The following BABAM2 variants were observed in gnomAD, a reference collection of about 807,000 sequenced individuals.
The protein encoded by BABAM2 is BRISC and BRCA1-A complex member 2.
In BABAM2, 31 loss-of-function variants were observed where a neutral mutation model predicts 54.7. The ratio of observed to expected loss-of-function variants is 0.57; its 90% CI spans 0.43 to 0.77. The LOEUF (loss-of-function observed/expected upper bound fraction) is 0.77, where lower values mean the gene tolerates loss of function less well. BABAM2 is among the 30% of genes least tolerant of loss of function. The pLI is 0.00. For missense variants in BABAM2, 364 were observed against 455.8 expected, an observed-to-expected ratio of 0.80 and a Z score of 1.83; for synonymous variants, 167 against 162.9, an observed-to-expected ratio of 1.03 and a Z score of -0.19.
chr2:27,972,809 C>T (rs1478061504), intron 3 of BABAM2, among the ~76,000 whole-genome samples: 3 of 149,144 alleles, frequency 2.0e-5, no homozygotes, highest in Non-Finnish European at 4.4e-5. Flanking sequence ...GTGCTGTCGC[C>T]AGGCTGGAGT....
At chr2:28,160,978 A>G (rs916738965) in intron 7 of BABAM2, among the ~76,000 whole-genome samples, 1 of 152,202 alleles carries the variant, frequency 6.6e-6, no homozygotes, top group Non-Finnish European at 1.5e-5. Context: ...ACTACCGCAG[A>G]GTTAAACCAT....
In BABAM2 at chr2:27,962,263, A is replaced by G. The variant is rs184460670; in HGVS notation, c.206-25730A>G. Among the ~76,000 whole-genome samples the G allele has an allele frequency of 5.6e-4, 85 of 152,182 alleles. No homozygotes were observed. In the East Asian group the frequency reaches 0.016, roughly 29 times the overall value. On this transcript the variant is annotated intron_variant, in intron 3 of 11. Transcript: ENST00000379624. ...TGGGATTACTGGTGTAAGCCACTGC[A>G]TCTGGCTAATGTTTTAATTTTTTAT...
chr2:28,329,474 TCAA>T lies in BABAM2; in HGVS notation c.1089-8975_1089-8973del, dbSNP rs965680273. On this transcript the variant is annotated intron_variant, in intron 11 of 11. Transcript: ENST00000379624. This position sits in a 1 kb window ranked among gnomAD's most constrained non-coding sequence, Gnocchi z 4.2. ...CAACCTCCTTGAAAAGAGGTGCTAGTCAATAAAAAATGATAAAGGGGCTATCAC... is the reference window on the plus strand; with the variant it reads ...CAACCTCCTTGAAAAGAGGTGCTAGTTAAAAAATGATAAAGGGGCTATCAC... Among the ~76,000 whole-genome samples the T allele has an allele frequency of 6.6e-6, 1 of 151,886 alleles. No homozygotes were observed. Among genetic ancestry groups the T allele is most frequent in the African/African-American group, 2.4e-5 (1 of 41,348 alleles).
At chr2:28,076,227 T>C (rs1350048105) in intron 6 of BABAM2, among the ~76,000 whole-genome samples, 2 of 152,062 alleles carry the variant, frequency 1.3e-5, no homozygotes, top group Non-Finnish European at 2.9e-5. Flanking sequence ...TGAGCTGTGA[T>C]GGCACCACTG....
At chr2:28,338,386 T>A in intron 11 of BABAM2, 64 bp from the exon 12 acceptor site, 1 of 1,387,336 alleles carries the variant, frequency 7.2e-7, no homozygotes, top group Non-Finnish European at 1.0e-6. Flanking sequence ...AAGCTCCCAG[T>A]TGCACTTTGT....
chr2:28,181,781 A>G (rs1471197016), intron 7 of BABAM2, among the ~76,000 whole-genome samples: 1 of 151,300 alleles, frequency 6.6e-6, no homozygotes, highest in Non-Finnish European at 1.5e-5. Context: ...ATGCACCAAT[A>G]AAATTTTTTT....
At chr2:28,092,930 T>C (rs1046760542) in intron 6 of BABAM2, among the ~76,000 whole-genome samples, 3 of 152,190 alleles carry the variant, frequency 2.0e-5, no homozygotes, top group Non-Finnish European at 4.4e-5. Flanking sequence ...CTGAGTGTGC[T>C]GTCTGTATAG....
At chr2:28,120,173 AAAACAC>A (rs1281004956) in intron 6 of BABAM2, among the ~76,000 whole-genome samples, 1 of 152,252 alleles carries the variant, frequency 6.6e-6, no homozygotes, top group African/African-American at 2.4e-5. Context: ...AGTAGACATT[AAAACAC>A]ATAAAGCATA....
At chr2:28,010,675 G>T (rs868287004) in intron 4 of BABAM2, among the ~76,000 whole-genome samples, 3 of 152,088 alleles carry the variant, frequency 2.0e-5, no homozygotes, top group African/African-American at 7.2e-5. Flanking sequence ...ACTATAAAGA[G>T]AATTAATTGG....
intron 5 of BABAM2, among the ~76,000 whole-genome samples, chr2:28,040,580 G>A (rs1461128337): frequency 1.3e-5 from 2 of 152,044 alleles, no homozygotes; most frequent in South Asian, 2.1e-4. Context: ...GATTACAGGC[G>A]TGAGCCACCG....
intron 7 of BABAM2, among the ~76,000 whole-genome samples, chr2:28,190,373 A>G (rs2147916772): frequency 6.6e-6 from 1 of 152,230 alleles, no homozygotes; most frequent in Admixed American, 6.5e-5. Context: ...AGGAGAGGCT[A>G]GCTCCCTGTA....
At chr2:27,903,000 GA>G (rs1430396132) in intron 2 of BABAM2, among the ~76,000 whole-genome samples, 8 of 151,822 alleles carry the variant, frequency 5.3e-5, no homozygotes, top group African/African-American at 1.7e-4. Context: ...CTTTCTTTAC[GA>G]ATTTTAAAGT....
intron 11 of BABAM2, 66 bp from the exon 12 acceptor site, chr2:28,338,384 A>C: frequency 7.3e-7 from 1 of 1,364,412 alleles, no homozygotes; most frequent in Non-Finnish European, 1.0e-6. Context: ...GAAAGCTCCC[A>C]GTTGCACTTT....
intron 7 of BABAM2, among the ~76,000 whole-genome samples, chr2:28,195,210 T>C (rs796243980): frequency 7.9e-5 from 12 of 152,342 alleles, no homozygotes; most frequent in African/African-American, 2.6e-4. Context: ...TGTGCTGACT[T>C]CTGCAGTCCA....
chr2:27,903,115 T>C (rs1477069409), intron 2 of BABAM2, among the ~76,000 whole-genome samples: 1 of 144,132 alleles, frequency 6.9e-6, no homozygotes, highest in East Asian at 2.3e-4. Flanking sequence ...GTATGGATAA[T>C]TGGTTGACCT....
At chr2:27,973,096 C>T (rs1274154758) in intron 3 of BABAM2, among the ~76,000 whole-genome samples, 2 of 151,816 alleles carry the variant, frequency 1.3e-5, no homozygotes, top group African/African-American at 2.4e-5. Flanking sequence ...TACCAGTTCT[C>T]GGTAAAAATG....
chr2:28,112,152 TCCC>T (rs1558346862), intron 6 of BABAM2, among the ~76,000 whole-genome samples: 1,578 of 7,164 alleles, frequency 0.22, 509 homozygotes, highest in East Asian at 0.46. Context: ...TTTCTTTACC[TCCC>T]TCCCTCCCTC....
In BABAM2 at chr2:28,095,420, C is replaced by T. The variant is rs369545125; in HGVS notation, c.571-33851C>T. 7.9e-5 allele frequency among the ~76,000 whole-genome samples: 12 copies of T among 152,324 alleles called. 1 individual carries two copies. Among genetic ancestry groups the T allele is most frequent in the African/African-American group, 2.9e-4 (12 of 41,580 alleles). ...TGAGGGCAGGGCCCATGTCTACATG[C>T]TCACCATTGTAGGTCTAATACCTAG... is the stretch of plus-strand genomic sequence containing the variant. On this transcript the variant is annotated intron_variant, in intron 6 of 11. Coordinates refer to ENST00000379624, the MANE Select transcript of BABAM2 (RefSeq NM_199191.3).
At chr2:28,112,560 G>A (rs183251349) in intron 6 of BABAM2, among the ~76,000 whole-genome samples, 4 of 152,232 alleles carry the variant, frequency 2.6e-5, no homozygotes, top group East Asian at 1.9e-4. Flanking sequence ...TGACTGGATA[G>A]TATTCTATGA....
Sources: allele counts gnomAD v4.1 joint callset (sites outside exome capture counted in the v4.1 genomes callset), GRCh38; gene constraint gnomAD v4.1.1; non-coding constraint Gnocchi (gnomAD v3.1); transcripts MANE v1.5; gene names NCBI Gene and HGNC (gene_info 2026-07-23, HGNC 2026-07-21).